CUX1: variants seen among roughly 807,000 people sequenced by gnomAD.
CUX1 encodes protein CASP.
In CUX1, 31 loss-of-function variants were observed where a neutral mutation model predicts 158.8. The ratio of observed to expected loss-of-function variants is 0.20; its 90% CI spans 0.15 to 0.26. The LOEUF is 0.26. CUX1 is among the 10% of genes least tolerant of loss of function. The probability of loss-of-function intolerance (pLI) is 1.00; values close to 1 mark genes in which losing one functional copy is unlikely to be tolerated. For missense variants in CUX1, 1,589 were observed against 2,014.6 expected (o/e 0.79, Z 4.04); for synonymous variants, 879 against 862.1 (o/e 1.02, Z -0.34).
chr7:102,028,269 G>C (rs114434781), intron 3 of CUX1, 124 bp downstream of exon 3: 3 of 945,794 alleles, frequency 3.2e-6, no homozygotes, highest in South Asian at 1.6e-5. Flanking sequence ...CGGCTGCTCC[G>C]ACCCAGCGTC....
At chr7:102,175,183 C>T (rs782631428) in intron 10 of CUX1, among the ~76,000 whole-genome samples, 4 of 152,194 alleles carry the variant, frequency 2.6e-5, no homozygotes, top group African/African-American at 9.7e-5. Context: ...CTCGACCACC[C>T]GCTGCCCGGT....
At position 101,972,963 on chromosome 7, in the gene CUX1, G is replaced by A. The variant is rs574015898; in HGVS notation, c.142-55135G>A. On this transcript the variant is annotated intron_variant, in intron 2 of 23. Coordinates refer to ENST00000292535, the MANE Select transcript of CUX1 (RefSeq NM_181552.4). ...CTTAAGGCGAAAAGCTCCAGATCTCGTTACTGACCAGTGCAGCCAGCCACT... is the reference window on the plus strand; with the variant it reads ...CTTAAGGCGAAAAGCTCCAGATCTCATTACTGACCAGTGCAGCCAGCCACT... Among the ~76,000 whole-genome samples the A allele has an allele frequency of 4.6e-5, 7 of 152,308 alleles. No homozygotes were observed. In the South Asian group the frequency reaches 8.3e-4, roughly 18 times the overall value.
intron 1 of CUX1, among the ~76,000 whole-genome samples, chr7:101,857,897 A>G (rs1797044441): frequency 6.6e-6 from 1 of 152,002 alleles, no homozygotes; most frequent in African/African-American, 2.4e-5. Flanking sequence ...CCGAAGTGGG[A>G]GGATCACTTG....
At chr7:102,055,956 C>T (rs1055035881) in intron 3 of CUX1, among the ~76,000 whole-genome samples, 1 of 152,192 alleles carries the variant, frequency 6.6e-6, no homozygotes, top group Non-Finnish European at 1.5e-5. Context: ...CATAGACGAT[C>T]AAACCAGCCA....
At chr7:102,283,109 G>T (rs373876353) in exon 23 of CUX1, 22 of 1,606,100 alleles carry the variant, frequency 1.4e-5, no homozygotes, top group Non-Finnish European at 1.4e-5. Context: ...GGCCTCCCCC[G>T]TGACAGTGAC....
At chr7:101,860,719 T>C (rs1457304581) in intron 1 of CUX1, among the ~76,000 whole-genome samples, 4 of 148,924 alleles carry the variant, frequency 2.7e-5, no homozygotes, top group African/African-American at 4.9e-5. Flanking sequence ...CTCTCTCTCT[T>C]TTATCTCCCC....
At chr7:102,075,661 C>T (rs1459790842) in intron 4 of CUX1, among the ~76,000 whole-genome samples, 2 of 152,210 alleles carry the variant, frequency 1.3e-5, no homozygotes, top group Non-Finnish European at 2.9e-5. Flanking sequence ...GAACCACCCT[C>T]CCGAGGTTGA....
At chr7:102,111,878 C>T (rs997669016) in intron 7 of CUX1, 104 bp downstream of exon 7, 10 of 1,018,716 alleles carry the variant, frequency 9.8e-6, no homozygotes, top group Non-Finnish European at 1.5e-5. Flanking sequence ...TGTTGCTCTT[C>T]GGGGCCGTGG....
At chr7:101,989,747 G>A (rs1814855875) in intron 2 of CUX1, among the ~76,000 whole-genome samples, 1 of 152,172 alleles carries the variant, frequency 6.6e-6, no homozygotes, top group African/African-American at 2.4e-5. Flanking sequence ...CTTATTTCCT[G>A]CTCCTACCCC....
intron 9 of CUX1, among the ~76,000 whole-genome samples, chr7:102,168,766 C>T (rs2131664931): frequency 6.6e-6 from 1 of 152,044 alleles, no homozygotes; most frequent in African/African-American, 2.4e-5. Flanking sequence ...ATTAATCAGC[C>T]AGTTCCAGGA....
chr7:101,964,870 T>C (rs1810959945), intron 2 of CUX1, among the ~76,000 whole-genome samples: 1 of 152,230 alleles, frequency 6.6e-6, no homozygotes. Context: ...TACGAGGGCT[T>C]GTGCAACAGG....
At chr7:102,225,254 G>A (rs1464388352) in intron 20 of CUX1, among the ~76,000 whole-genome samples, 2 of 152,170 alleles carry the variant, frequency 1.3e-5, no homozygotes, top group African/African-American at 2.4e-5. Flanking sequence ...AGCCTTATGC[G>A]ATGGCGGAAG....
intron 8 of CUX1, among the ~76,000 whole-genome samples, chr7:102,126,286 G>A (rs782616105): frequency 8.6e-5 from 13 of 151,532 alleles, no homozygotes; most frequent in Non-Finnish European, 1.5e-4. Context: ...TGATCCACCC[G>A]CCTCGGCCTC....
At chr7:102,209,081 C>T (rs534298397) in intron 20 of CUX1, among the ~76,000 whole-genome samples, 30 of 152,156 alleles carry the variant, frequency 2.0e-4, no homozygotes, top group Non-Finnish European at 2.5e-4. Flanking sequence ...AGGTGCCCTG[C>T]GCTAGAGTGG....
intron 2 of CUX1, among the ~76,000 whole-genome samples, chr7:101,920,038 C>G (rs937894951): frequency 2.0e-5 from 3 of 152,190 alleles, no homozygotes; most frequent in African/African-American, 7.2e-5. Flanking sequence ...AGTGATCCCT[C>G]CGTCTCAGTG....
chr7:102,201,342 C>T lies in CUX1; in HGVS notation c.2063-18C>T. ...GGGGGCCGCCCTGCCACACTCTCAC[C>T]CCTGTTTCTCCATGCAGCAGAGCCG... On this transcript the variant is annotated intron_variant, in intron 17 of 23. Coordinates refer to ENST00000292535, the MANE Select transcript of CUX1 (RefSeq NM_181552.4). The surrounding 1 kb of genome is among the most constrained non-coding windows in gnomAD (Gnocchi z 5.0). 1.2e-6 allele frequency: 2 copies of T among 1,607,728 alleles called. No homozygotes were observed. Among genetic ancestry groups the T allele is most frequent in the Non-Finnish European group, 1.7e-6 (2 of 1,176,176 alleles).
chr7:102,243,632 A>AAATAATAATAAT lies in CUX1; in HGVS notation c.3887+4084_3887+4095dup, dbSNP rs3077412. Among the ~76,000 whole-genome samples, 304 of 130,810 alleles carry AAATAATAATAAT rather than the reference A, an allele frequency of 2.3e-3. 3 individuals carry two copies. The highest frequency in any genetic ancestry group is 3.7e-3 in the East Asian group (17 of 4,574). The allele number at this position is 130,810 out of a possible 152,430, so 85.8% of individuals were successfully genotyped here. On this transcript the variant is annotated intron_variant, in intron 23 of 23. Coordinates refer to ENST00000292535, the MANE Select transcript of CUX1 (RefSeq NM_181552.4). Reference sequence around the variant, plus strand: ...CTCAGTGAGACCCTGTCTCTACAGAAAATAATAATAATAATAATAATAATA... The same window carrying AAATAATAATAAT: ...CTCAGTGAGACCCTGTCTCTACAGAAAATAATAATAATAATAATAATAATAATAATAATAATA...
intron 2 of CUX1, among the ~76,000 whole-genome samples, chr7:101,968,008 G>T (rs1331756750): frequency 6.6e-6 from 1 of 152,044 alleles, no homozygotes; most frequent in Non-Finnish European, 1.5e-5. Context: ...GGTTCAAGCA[G>T]CTCCCCCTGC....
At chr7:102,097,719 A>AT (rs1829349323) in intron 5 of CUX1, among the ~76,000 whole-genome samples, 1 of 151,894 alleles carries the variant, frequency 6.6e-6, no homozygotes, top group African/African-American at 2.4e-5. Context: ...ACGACGTAAG[A>AT]TTTTATTGCC....
Sources: allele counts gnomAD v4.1 joint callset (sites outside exome capture counted in the v4.1 genomes callset), GRCh38; gene constraint gnomAD v4.1.1; non-coding constraint Gnocchi (gnomAD v3.1); transcripts MANE v1.5; gene names NCBI Gene and HGNC (gene_info 2026-07-23, HGNC 2026-07-21).